BAZ2A: variants seen among roughly 807,000 people sequenced by gnomAD.
BAZ2A encodes bromodomain adjacent to zinc finger domain protein 2A.
A neutral mutation model predicts 199.9 loss-of-function variants in BAZ2A; 34 were observed. That is an observed-to-expected ratio of 0.17 (90% confidence interval 0.13 to 0.23). The LOEUF (loss-of-function observed/expected upper bound fraction) is 0.23. Among genes scored for constraint, BAZ2A ranks in the 10% least tolerant of loss-of-function variants. The pLI is 1.00. For missense variants in BAZ2A, 2,002 were observed against 2,391.1 expected (o/e 0.84, Z 3.39); for synonymous variants, 857 against 883.9 (o/e 0.97, Z 0.54).
rs1420082857 is a variant in BAZ2A at position 56,597,591 on chromosome 12, T to C, written c.*1027A>G. ...ACACACACACACACACAGCGCGCGC[T>C]CTGAGGCTGACACACACACACACAC... On this transcript the variant is annotated 3_prime_UTR_variant, in exon 29 of 29. Coordinates refer to ENST00000549884, the MANE Select transcript of BAZ2A (RefSeq NM_001300905.2). 1 of 29,350 alleles carries C rather than the reference T, an allele frequency of 3.4e-5. No individual in the cohort carries two copies. Among genetic ancestry groups the C allele is most frequent in the African/African-American group, 8.0e-5 (1 of 12,464 alleles). 1.8% of individuals were successfully genotyped at this position (29,350 alleles called of 1,614,324 possible). A position where few individuals can be genotyped will look rare whatever the true frequency, so the allele number is the denominator to read the frequency against.
At chr12:56,609,437 G>A (rs2136963105) in intron 10 of BAZ2A, among the ~76,000 whole-genome samples, 1 of 152,292 alleles carries the variant, frequency 6.6e-6, no homozygotes, top group South Asian at 2.1e-4. Context: ...ACCAGTATAT[G>A]ATAAGGAGCT....
chr12:56,635,693 C>G lies in BAZ2A; in HGVS notation c.4+489G>C, dbSNP rs1565844540. 6.6e-6 allele frequency among the ~76,000 whole-genome samples: 1 copy of G among 152,116 alleles called. No individual in the cohort carries two copies. The highest frequency in any genetic ancestry group is 1.9e-4 in the East Asian group (1 of 5,192). On this transcript the variant is annotated intron_variant, in intron 1 of 29. Transcript: ENST00000379441. The surrounding 1 kb of genome is among the most constrained non-coding windows in gnomAD (Gnocchi z 4.1). ...ACCCTTGCTTCAGTCTCTGGGGCAACAGGAAGCAGCTGCTCAGTGCAGCCC... is the reference window on the plus strand; with the variant it reads ...ACCCTTGCTTCAGTCTCTGGGGCAAGAGGAAGCAGCTGCTCAGTGCAGCCC...
intron 1 of BAZ2A, among the ~76,000 whole-genome samples, chr12:56,625,833 G>A (rs1274804764): frequency 1.5e-5 from 2 of 132,106 alleles, no homozygotes; most frequent in African/African-American, 3.0e-5. Flanking sequence ...TCGAGATCGC[G>A]CCACTGCACT....
intron 19 of BAZ2A, among the ~76,000 whole-genome samples, 187 bp from the exon 20 acceptor site, chr12:56,602,379 A>G (rs753363866): frequency 6.6e-5 from 10 of 152,260 alleles, no homozygotes; most frequent in South Asian, 4.1e-4. Flanking sequence ...TCTCCCAAGT[A>G]ATCAGCAGCA....
At chr12:56,632,118 A>G (rs989199406), upstream of BAZ2A, among the ~76,000 whole-genome samples, 3 of 151,948 alleles carry the variant, frequency 2.0e-5, no homozygotes, top group African/African-American at 7.3e-5. Flanking sequence ...ACCTTGGGGA[A>G]AAAAAAATAC....
intron 9 of BAZ2A, 61 bp from the exon 10 acceptor site, chr12:56,610,007 G>A (rs903610836): frequency 7.5e-6 from 12 of 1,603,612 alleles, no homozygotes; most frequent in Admixed American, 5.0e-5. Context: ...CGAGGCCCTC[G>A]GAACCATTCA....
At chr12:56,629,655 C>A (rs916966729) in intron 1 of BAZ2A, among the ~76,000 whole-genome samples, 1 of 152,138 alleles carries the variant, frequency 6.6e-6, no homozygotes, top group African/African-American at 2.4e-5. Flanking sequence ...CCTGGAAACC[C>A]CTTCCGCCCT....
In BAZ2A at chr12:56,603,690, C is replaced by G. The variant is rs1407046553; in HGVS notation, c.3049G>C (p.Val1017Leu). The change falls in exon 17 of 29, where the codon GTT becomes CTT. Residue 1017 changes from valine (V) to leucine (L), a missense_variant. By Grantham distance (32) the Val-to-Leu change is conservative. Coordinates refer to ENST00000549884, the MANE Select transcript of BAZ2A (RefSeq NM_001300905.2). Reference protein sequence around the residue: ...VEGRLRRLKTVLAKRTGRSEV... With the variant: ...VEGRLRRLKTLLAKRTGRSEV... ...GACCGCCCAGTTCGCTTGGCCAGAA[C>G]AGTTTTCAGCCTTGAAATAGATGGA... The G allele has an allele frequency of 2.5e-6, 4 of 1,613,880 alleles. No homozygotes were observed. Among genetic ancestry groups the G allele is most frequent in the African/African-American group, 1.3e-5 (1 of 74,914 alleles).
intron 15 of BAZ2A, 145 bp downstream of exon 15, chr12:56,604,440 C>T (rs1950281630): frequency 7.8e-7 from 1 of 1,273,890 alleles, no homozygotes; most frequent in African/African-American, 1.5e-5. Context: ...CCAGGGAGGG[C>T]ACTGCAATTC....
intron 10 of BAZ2A, among the ~76,000 whole-genome samples, chr12:56,607,435 A>C (rs1193705157): frequency 2.0e-5 from 3 of 152,198 alleles, no homozygotes; most frequent in Non-Finnish European, 4.4e-5. Context: ...GCAATGGCAC[A>C]ATCTCGGCTC....
chr12:56,613,928 A>T (rs1490030019), intron 4 of BAZ2A, 25 bp downstream of exon 4: 1 of 1,604,556 alleles, frequency 6.2e-7, no homozygotes, highest in Admixed American at 1.7e-5. Context: ...TGGATAAGTT[A>T]AAGGGACATA....
chr12:56,614,368 C>T (rs1204772339), intron 3 of BAZ2A: 1 of 462,832 alleles, frequency 2.2e-6, no homozygotes, highest in Admixed American at 3.4e-5. Flanking sequence ...TCTGATACAA[C>T]ATCTCTATCA....
chr12:56,605,335 G>A lies in BAZ2A; in HGVS notation c.2494-8C>T, dbSNP rs780224720. The stretch of plus-strand genomic sequence containing the variant: ...TGAGAAGTCAGGCAGGGGCTAGAGA[G>A]AGAAAAGTGAGTAGAGAGTTCTGTT... On this transcript the variant is annotated splice_region_variant and splice_polypyrimidine_tract_variant and intron_variant, in intron 13 of 28. Coordinates refer to ENST00000549884, the MANE Select transcript of BAZ2A (RefSeq NM_001300905.2). 4.4e-6 allele frequency: 7 copies of A among 1,599,954 alleles called. No homozygotes were observed. Among genetic ancestry groups the A allele is most frequent in the South Asian group, 1.1e-5 (1 of 89,866 alleles).
chr12:56,614,464 T>G (rs1167185391), intron 3 of BAZ2A, among the ~76,000 whole-genome samples: 1 of 152,086 alleles, frequency 6.6e-6, no homozygotes, highest in Non-Finnish European at 1.5e-5. Flanking sequence ...GTACCAGGAA[T>G]CAACTGGAAG....
intron 2 of BAZ2A, among the ~76,000 whole-genome samples, chr12:56,617,011 A>G (rs1449673670): frequency 1.3e-5 from 2 of 152,178 alleles, no homozygotes; most frequent in East Asian, 1.9e-4. Flanking sequence ...GTACAAACTA[A>G]AAGGCAATAA....
At chr12:56,604,481 A>T in intron 15 of BAZ2A, 104 bp downstream of exon 15, 1 of 1,373,664 alleles carries the variant, frequency 7.3e-7, no homozygotes, top group Non-Finnish European at 9.9e-7. Context: ...TCTTCAGAAC[A>T]TGGCAGTGAA....
chr12:56,628,051 G>A (rs1353296338), intron 1 of BAZ2A, among the ~76,000 whole-genome samples: 12 of 150,286 alleles, frequency 8.0e-5, no homozygotes, highest in Non-Finnish European at 1.5e-4. Flanking sequence ...ATGCGGTGGC[G>A]GGCTCCTGTA....
intron 6 of BAZ2A, 61 bp from the exon 7 acceptor site, chr12:56,611,694 TAGGGAA>T: frequency 6.5e-7 from 1 of 1,546,102 alleles, no homozygotes. Context: ...AATAGGCCAA[TAGGGAA>T]AGGCTAACTA....
Position 56,601,475 on chromosome 12 carries a change from G to A in BAZ2A, c.4071+71C>T, listed in dbSNP as rs555399957. The A allele has an allele frequency of 1.1e-5, 17 of 1,592,794 alleles. No individual in the cohort carries two copies. In the South Asian group the frequency reaches 1.3e-4, roughly 13 times the overall value. ...TAGGTTCCCTCAACTTCAGGCAGCAGCTCCACACCCAGGCAATGGTGCCTG... is the reference window on the plus strand; with the variant it reads ...TAGGTTCCCTCAACTTCAGGCAGCAACTCCACACCCAGGCAATGGTGCCTG... On this transcript the variant is annotated intron_variant, in intron 20 of 28. Transcript: ENST00000549884.
Sources: allele counts gnomAD v4.1 joint callset (sites outside exome capture counted in the v4.1 genomes callset), GRCh38; gene constraint gnomAD v4.1.1; non-coding constraint Gnocchi (gnomAD v3.1); transcripts MANE v1.5; gene names NCBI Gene and HGNC (gene_info 2026-07-23, HGNC 2026-07-21).